The following PAXIP1 variants were observed in gnomAD, a reference collection of about 807,000 sequenced individuals.
PAXIP1 encodes the protein PAX interacting protein 1.
Under a neutral mutation model 140.6 loss-of-function variants are expected in PAXIP1, and 19 were observed. That is an observed-to-expected ratio of 0.14 (90% confidence interval 0.09 to 0.20). PAXIP1 has a LOEUF of 0.20. Ranked by LOEUF, PAXIP1 falls within the 10% of genes least tolerant of loss-of-function variation. The probability of loss-of-function intolerance (pLI) is 1.00; values close to 1 mark genes in which losing one functional copy is unlikely to be tolerated. For missense variants in PAXIP1, 920 were observed against 1,208.6 expected (o/e 0.76, Z 3.54); for synonymous variants, 442 against 444.6 (o/e 0.99, Z 0.07).
At chr7:154,980,019 T>C (rs879505864) in intron 5 of PAXIP1, among the ~76,000 whole-genome samples, 2 of 152,166 alleles carry the variant, frequency 1.3e-5, no homozygotes, top group Non-Finnish European at 2.9e-5. Context: ...TGAGAGCCTA[T>C]TGTATTTGTC....
At chr7:154,998,872 T>C (rs1034683402) in intron 1 of PAXIP1, 88 bp from the exon 2 acceptor site, 29 of 1,134,690 alleles carry the variant, frequency 2.6e-5, no homozygotes, top group Non-Finnish European at 3.3e-5. Context: ...GGCATAATAG[T>C]ACTTTTTAAT....
Position 154,973,134 on chromosome 7 carries a change from C to G in PAXIP1, c.1074+2562G>C, listed in dbSNP as rs1020811952. ...CTGACCCCAGCGCTCTCATGGGCAC[C>G]CACCTGGACAATCCCTGGCCTTGCA... On this transcript the variant is annotated intron_variant, in intron 6 of 20. Transcript: ENST00000404141. The surrounding 1 kb of genome is among the most constrained non-coding windows in gnomAD (Gnocchi z 4.0). Among the ~76,000 whole-genome samples, 2 of 152,172 alleles carry G rather than the reference C, an allele frequency of 1.3e-5. No individual in the cohort carries two copies. Among genetic ancestry groups the G allele is most frequent in the East Asian group, 3.9e-4 (2 of 5,180 alleles).
At chr7:154,957,052 G>T in intron 14 of PAXIP1, 172 bp downstream of exon 14, 1 of 517,966 alleles carries the variant, frequency 1.9e-6, no homozygotes. Context: ...AAAATATACT[G>T]GCCTATGTCA....
In PAXIP1 at chr7:154,954,328, C is replaced by T. The variant is rs373193703; in HGVS notation, c.2748G>A (p.Thr916=). The change falls in exon 16 of 21, where the codon ACG becomes ACA. Residue 916 remains threonine (T), a synonymous_variant. Coordinates refer to ENST00000404141, the MANE Select transcript of PAXIP1 (RefSeq NM_007349.4). The surrounding 1 kb of genome is among the most constrained non-coding windows in gnomAD (Gnocchi z 5.1). Reference sequence around the variant, plus strand: ...CTATGTGCTTCACGACAGAAATCGCCGTCAGGAACTTCACGGTGCGAGTCA... The same window carrying T: ...CTATGTGCTTCACGACAGAAATCGCTGTCAGGAACTTCACGGTGCGAGTCA... ...SKVTRTVKFL[T]AISVVKHIVT... 5.6e-6 allele frequency: 9 copies of T among 1,604,478 alleles called. No individual in the cohort carries two copies. In the Middle Eastern group the frequency reaches 6.6e-4, roughly 118 times the overall value.
intron 3 of PAXIP1, among the ~76,000 whole-genome samples, chr7:154,991,880 G>A (rs909976361): frequency 2.0e-5 from 3 of 152,264 alleles, no homozygotes; most frequent in Admixed American, 6.5e-5. Flanking sequence ...ATTGAGATAG[G>A]TGAATCAAGA....
intron 2 of PAXIP1, 57 bp downstream of exon 2, chr7:154,998,593 G>C: frequency 7.3e-7 from 1 of 1,372,442 alleles, no homozygotes; most frequent in South Asian, 1.3e-5. Flanking sequence ...AAACTTCAAT[G>C]TACTGCTTGC....
At chr7:154,959,454 A>G (rs1314214050) in intron 13 of PAXIP1, among the ~76,000 whole-genome samples, 1 of 152,212 alleles carries the variant, frequency 6.6e-6, no homozygotes. Flanking sequence ...TGGGGAAAAG[A>G]GAAAAAACAA....
At chr7:154,989,490 G>A (rs1027692602) in intron 4 of PAXIP1, among the ~76,000 whole-genome samples, 1 of 152,070 alleles carries the variant, frequency 6.6e-6, no homozygotes, top group Non-Finnish European at 1.5e-5. Flanking sequence ...TGACAGCCTG[G>A]GATGAGGACT....
rs958602878 is a variant in PAXIP1, at chr7:154,961,380, C to G, written c.2249+147G>C. On this transcript the variant is annotated intron_variant, in intron 11 of 20. Transcript: ENST00000404141. ...TTTCTAGGTATTTCTACTAACATTA[C>G]TATATCATTGTCATACTTTAACAGA... 7 of 639,852 alleles carry G rather than the reference C, an allele frequency of 1.1e-5. No homozygotes were observed. The African/African-American group carries it at 1.1e-4, about 10-fold the overall frequency. 39.6% of individuals were successfully genotyped at this position (639,852 alleles called of 1,614,324 possible). A position where few individuals can be genotyped will look rare whatever the true frequency, so the allele number is the denominator to read the frequency against.
At chr7:154,982,578 T>G (rs912706920) in intron 5 of PAXIP1, among the ~76,000 whole-genome samples, 3 of 152,226 alleles carry the variant, frequency 2.0e-5, no homozygotes, top group Non-Finnish European at 4.4e-5. Context: ...CTCGAACTCC[T>G]GACCTCAACT....
intron 6 of PAXIP1, among the ~76,000 whole-genome samples, chr7:154,972,016 T>G (rs1809354300): frequency 6.6e-6 from 1 of 152,212 alleles, no homozygotes; most frequent in South Asian, 2.1e-4. Context: ...TTTCCACCGC[T>G]AGAGCACACA....
rs746596874 is a variant in PAXIP1, at chr7:154,963,940, A to C, written c.1894-174T>G. On this transcript the variant is annotated intron_variant, in intron 8 of 20. Coordinates refer to ENST00000404141, the MANE Select transcript of PAXIP1 (RefSeq NM_007349.4). This position sits in a 1 kb window ranked among gnomAD's most constrained non-coding sequence, Gnocchi z 4.1. ...TACGGACTTTTCTACCCAGCACCATACAATGAAAATGAACTCCAATACTCT... is the reference window on the plus strand; with the variant it reads ...TACGGACTTTTCTACCCAGCACCATCCAATGAAAATGAACTCCAATACTCT... 5.2e-6 allele frequency: 3 copies of C among 577,140 alleles called. No homozygotes were observed. The allele number at this position is 577,140 out of a possible 1,614,324, so 35.8% of individuals were successfully genotyped here.
chr7:154,961,193 G>C (rs1808740175), intron 11 of PAXIP1, 116 bp from the exon 12 acceptor site: 1 of 832,596 alleles, frequency 1.2e-6, no homozygotes. Context: ...AGAAGTGGGA[G>C]GCATATCCTA....
chr7:154,985,812 C>G (rs1314047583), intron 4 of PAXIP1, among the ~76,000 whole-genome samples: 2 of 152,230 alleles, frequency 1.3e-5, no homozygotes, highest in Non-Finnish European at 2.9e-5. Context: ...AACTCTAACA[C>G]TCCTTCTTAA....
At chr7:154,957,840 G>A (rs1808590931) in intron 13 of PAXIP1, among the ~76,000 whole-genome samples, 1 of 151,466 alleles carries the variant, frequency 6.6e-6, no homozygotes, top group Non-Finnish European at 1.5e-5. Context: ...GGTGGCAGGC[G>A]CCTGTAGTCC....
At position 154,995,707 on chromosome 7, in the gene PAXIP1, G is replaced by A. The variant is rs141614506; in HGVS notation, c.217-1938C>T. On this transcript the variant is annotated intron_variant, in intron 2 of 20. Transcript: ENST00000404141. ...TCTACTAAAAACACAAAAGTTAGCC[G>A]GGCGTGGTGGCACACGCCTGTAGTC... 6.9e-3 allele frequency among the ~76,000 whole-genome samples: 1,045 copies of A among 152,178 alleles called. 9 individuals carry two copies. Among genetic ancestry groups the A allele is most frequent in the African/African-American group, 0.023 (952 of 41,530 alleles).
At chr7:154,977,532 T>C (rs1809640118) in intron 5 of PAXIP1, among the ~76,000 whole-genome samples, 1 of 152,194 alleles carries the variant, frequency 6.6e-6, no homozygotes, top group Non-Finnish European at 1.5e-5. Context: ...TCCTTGCAAA[T>C]AGTGAGCTCT....
chr7:154,953,695 T>C (rs1808382819), intron 16 of PAXIP1, among the ~76,000 whole-genome samples: 1 of 152,238 alleles, frequency 6.6e-6, no homozygotes. Context: ...TTTATACTTA[T>C]TTTATACCTA....
At chr7:154,957,499 C>T (rs1281963474) in intron 13 of PAXIP1, among the ~76,000 whole-genome samples, 1 of 145,040 alleles carries the variant, frequency 6.9e-6, no homozygotes. Context: ...CCGGAGAGAA[C>T]CTCTGTATCG....
Sources: gnomAD v4.1 joint callset for allele counts (sites outside exome capture counted in the v4.1 genomes callset) on GRCh38, gnomAD v4.1.1 for gene constraint, Gnocchi (gnomAD v3.1) non-coding constraint, MANE v1.5 for transcripts, NCBI Gene and HGNC (gene_info 2026-07-23, HGNC 2026-07-21) for gene names.